Variants in WDR47 observed in about 807,000 individuals in gnomAD.
The protein encoded by WDR47 is WD repeat-containing protein 47.
In WDR47, 32 loss-of-function variants were observed where a neutral mutation model predicts 97.2. That is an observed-to-expected ratio of 0.33 (90% CI 0.25 to 0.44). The LOEUF (loss-of-function observed/expected upper bound fraction) is 0.44, where lower values mean the gene tolerates loss of function less well. WDR47 is among the 20% of genes least tolerant of loss of function. WDR47 has a pLI of 1.00. For missense variants in WDR47, 782 were observed against 1,102.3 expected (o/e 0.71, Z 4.11); for synonymous variants, 375 against 373.5 (o/e 1.00, Z -0.05).
intron 3 of WDR47, among the ~76,000 whole-genome samples, chr1:109,016,963 C>A (rs1661463948): frequency 6.6e-6 from 1 of 151,968 alleles, no homozygotes; most frequent in East Asian, 1.9e-4. Flanking sequence ...AATGAATGAA[C>A]AGATGGAAAA....
At chr1:109,012,218 C>T (rs1234126857) in intron 4 of WDR47, among the ~76,000 whole-genome samples, 1 of 151,950 alleles carries the variant, frequency 6.6e-6, no homozygotes, top group Admixed American at 6.6e-5. Flanking sequence ...TCCAGCTTAC[C>T]CAAAAGGCAA....
intron 14 of WDR47, among the ~76,000 whole-genome samples, chr1:108,974,227 C>T (rs974054547): frequency 2.6e-5 from 4 of 152,058 alleles, no homozygotes; most frequent in Admixed American, 2.0e-4. Context: ...TGGTGGCTCA[C>T]GCCTGTAATC....
intron 1 of WDR47, among the ~76,000 whole-genome samples, chr1:109,028,367 T>TTTTTTG (rs1476272415): frequency 3.7e-4 from 49 of 131,504 alleles, no homozygotes; most frequent in Non-Finnish European, 6.8e-4. Flanking sequence ...GTTGGGTTTT[T>TTTTTTG]TTTTTTTTTT....
intron 5 of WDR47, among the ~76,000 whole-genome samples, chr1:109,006,157 G>C (rs542177046): frequency 2.6e-5 from 4 of 152,260 alleles, no homozygotes; most frequent in Admixed American, 1.3e-4. Flanking sequence ...CACTTTGGGA[G>C]GCCGAGGGTG....
At chr1:109,014,502 A>G (rs907746376) in intron 3 of WDR47, among the ~76,000 whole-genome samples, 14 of 151,560 alleles carry the variant, frequency 9.2e-5, no homozygotes, top group African/African-American at 3.2e-4. Context: ...TGGCATGATC[A>G]CAGCTCACTA....
intron 5 of WDR47, 88 bp downstream of exon 5, chr1:109,010,828 C>A: frequency 7.8e-7 from 1 of 1,281,400 alleles, no homozygotes; most frequent in Non-Finnish European, 1.1e-6. Context: ...GTGATCCACC[C>A]ACCTCGGCCT....
intron 5 of WDR47, among the ~76,000 whole-genome samples, chr1:109,009,089 AAAAATAAAAAT>A (rs759749419): frequency 1.4e-4 from 22 of 152,226 alleles, no homozygotes; most frequent in East Asian, 7.8e-4. Context: ...ATCTCAAAAA[AAAAATAAAAAT>A]AAAATAAAAA....
chr1:109,031,267 C>G (rs1421494705), intron 1 of WDR47, among the ~76,000 whole-genome samples: 1 of 140,120 alleles, frequency 7.1e-6, no homozygotes, highest in Non-Finnish European at 1.6e-5. Flanking sequence ...TTATCAATTA[C>G]TTTAATTTAC....
intron 8 of WDR47, among the ~76,000 whole-genome samples, chr1:108,993,856 A>T (rs1659551650): frequency 6.6e-6 from 1 of 152,228 alleles, no homozygotes; most frequent in Non-Finnish European, 1.5e-5. Context: ...AGACACATGA[A>T]CACCAACTTG....
chr1:109,017,481 A>C, intron 3 of WDR47, 37 bp downstream of exon 3: 1 of 1,537,034 alleles, frequency 6.5e-7, no homozygotes, highest in Non-Finnish European at 8.9e-7. Context: ...AGCTTCTACC[A>C]ATGATGAGAC....
At chr1:108,973,882 CA>C (rs11397519) in intron 14 of WDR47, among the ~76,000 whole-genome samples, 144,150 of 148,162 alleles carry the variant, frequency 0.97, 70,205 homozygotes, top group East Asian at 1. Context: ...GACCCTGCCT[CA>C]AAAAAAAAAA....
chr1:109,013,875 T>C lies in WDR47; in HGVS notation c.293A>G (p.Asn98Ser), dbSNP rs1413257616. ...CTCATCTTCTGCTGACATCGCGTTG[T>C]TAACACATAAAGCTTCTAAAAACTT... is the stretch of plus-strand genomic sequence containing the variant. Reference protein sequence around the residue: ...KQKFLEALCVNNAMSAEDEPQ... With the variant: ...KQKFLEALCVSNAMSAEDEPQ... Residue 98 changes from asparagine to serine, a missense_variant, in exon 4 of 15, where the codon AAC becomes AGC. Around this residue, in one of 3 missense-constraint regions of WDR47, gnomAD observed 428 missense variants for 584.3 expected, o/e 0.73. Transcript: ENST00000369962. 6.2e-7 allele frequency: 1 copy of C among 1,613,598 alleles called. No homozygotes were observed. Among genetic ancestry groups the C allele is most frequent in the East Asian group, 2.2e-5 (1 of 44,864 alleles).
At chr1:109,026,089 T>C (rs1355338647) in intron 1 of WDR47, among the ~76,000 whole-genome samples, 1 of 151,926 alleles carries the variant, frequency 6.6e-6, no homozygotes, top group African/African-American at 2.4e-5. Context: ...CTCTGTCACC[T>C]AGGTTAGAGT....
At chr1:108,994,093 C>A (rs184119712) in intron 8 of WDR47, among the ~76,000 whole-genome samples, 160 of 152,188 alleles carry the variant, frequency 1.1e-3, no homozygotes, top group African/African-American at 3.8e-3. Context: ...AGAGAATCAA[C>A]AGATAGCAAA....
rs967101143 is a variant in WDR47 at position 108,974,607 on chromosome 1, C to T, written c.2546G>A (p.Arg849Gln). The T allele has an allele frequency of 3.7e-6, 6 of 1,614,054 alleles. No homozygotes were observed. The highest frequency in any genetic ancestry group is 2.2e-5 in the East Asian group (1 of 44,872). ...CAAGTAGTGAGCTCCAGGGGAGAAT[C>T]GAACAGAGCGAACATCACTGGAATG... ...HPHSSDVRSVRFSPGAHYLLT... is the reference protein window; with the variant it reads ...HPHSSDVRSVQFSPGAHYLLT... Residue 849 changes from arginine (R) to glutamine (Q), a missense_variant, in exon 14 of 15, where the codon CGA (arginine) becomes CAA (glutamine). Transcript: ENST00000369962.
At chr1:109,037,781 G>A (rs922174936) in intron 1 of WDR47, among the ~76,000 whole-genome samples, 1 of 151,966 alleles carries the variant, frequency 6.6e-6, no homozygotes, top group Non-Finnish European at 1.5e-5. Flanking sequence ...CATATGTCAA[G>A]CATACTACAT....
chr1:108,976,165 A>G (rs1010816049), intron 13 of WDR47, among the ~76,000 whole-genome samples: 1 of 152,206 alleles, frequency 6.6e-6, no homozygotes, highest in African/African-American at 2.4e-5. Flanking sequence ...AATGTGTATC[A>G]AATTAAAGTG....
At chr1:108,988,998 T>A (rs1271211606) in intron 9 of WDR47, among the ~76,000 whole-genome samples, 1 of 152,128 alleles carries the variant, frequency 6.6e-6, no homozygotes, top group Non-Finnish European at 1.5e-5. Context: ...GCTCAAGTGA[T>A]CTGCCACCTC....
rs761186601 is a variant in WDR47, at chr1:109,011,350, T to C, written c.696A>G (p.Leu232=). ...CCAAATCATCACAACCATTACCACA[T>C]AAGAGGTCGATGCCAAGAAGCACTT... ...ESEVLLGIDL[L]CGNGCDDLDL... is the part of the protein sequence containing the mutation. The change falls in exon 5 of 15, where the codon TTA becomes TTG. Residue 232 remains leucine (L), a synonymous_variant. Transcript: ENST00000369962. 1 of 1,614,204 alleles carries C rather than the reference T, an allele frequency of 6.2e-7. No individual in the cohort carries two copies. The highest frequency in any genetic ancestry group is 8.5e-7 in the Non-Finnish European group (1 of 1,180,042).
Sources: gnomAD v4.1 joint callset for allele counts (sites outside exome capture counted in the v4.1 genomes callset) on GRCh38, gnomAD v4.1.1 for gene constraint, gnomAD v4.1.1 regional missense constraint, MANE v1.5 for transcripts, NCBI Gene and HGNC (gene_info 2026-07-23, HGNC 2026-07-21) for gene names.